Variants in ANKRD30BL observed in about 807,000 individuals in gnomAD.
ANKRD30BL encodes putative ankyrin repeat domain-containing protein 30B-like.
Under a neutral mutation model 18.4 loss-of-function variants are expected in ANKRD30BL, and 20 were observed. That is an observed-to-expected ratio of 1.09 (90% CI 0.77 to 1.58). The LOEUF (loss-of-function observed/expected upper bound fraction) is 1.58. Among genes scored for constraint, ANKRD30BL ranks in the 40% most tolerant of loss-of-function variants. The probability of loss-of-function intolerance (pLI) is 0.00; values close to 1 mark genes in which losing one functional copy is unlikely to be tolerated. For missense variants in ANKRD30BL, 224 were observed against 268.6 expected (o/e 0.83, Z 1.16); for synonymous variants, 72 against 100.9 (o/e 0.71, Z 1.72).
At chr2:132,220,443 C>T (rs1398137726) in intron 1 of ANKRD30BL, among the ~76,000 whole-genome samples, 8 of 151,828 alleles carry the variant, frequency 5.3e-5, no homozygotes, top group Admixed American at 1.3e-4. Context: ...GCTGCGATCT[C>T]GGCTCACTGC....
chr2:132,176,866 C>T (rs1042922373), intron 1 of ANKRD30BL, among the ~76,000 whole-genome samples: 1 of 152,168 alleles, frequency 6.6e-6, no homozygotes, highest in African/African-American at 2.4e-5. Context: ...GGTATCCTTT[C>T]ACTCTTCCTT....
intron 1 of ANKRD30BL, among the ~76,000 whole-genome samples, chr2:132,160,572 G>C (rs931916088): frequency 6.6e-6 from 1 of 151,492 alleles, no homozygotes; most frequent in Non-Finnish European, 1.5e-5. Flanking sequence ...CCAAGTATCT[G>C]GGACTACAGG....
intron 1 of ANKRD30BL, among the ~76,000 whole-genome samples, chr2:132,229,712 G>A (rs371906574): frequency 1.0e-4 from 15 of 149,262 alleles, no homozygotes; most frequent in East Asian, 2.0e-4. Context: ...TTGATAGAGC[G>A]GGTTTGAAAA....
upstream of ANKRD30BL, among the ~76,000 whole-genome samples, chr2:132,164,938 G>T (rs2104936772): frequency 6.6e-6 from 1 of 152,256 alleles, no homozygotes; most frequent in South Asian, 2.1e-4. Flanking sequence ...GCCAGGCGTG[G>T]TGGCAGGCAC....
At chr2:132,166,020 A>G (rs1489872517), upstream of ANKRD30BL, among the ~76,000 whole-genome samples, 5 of 152,148 alleles carry the variant, frequency 3.3e-5, no homozygotes, top group African/African-American at 1.2e-4. Flanking sequence ...GAGTTTCTCA[A>G]ATTATAGATG....
rs572341019 is a variant in ANKRD30BL at position 132,174,653 on chromosome 2, G to A, written n.442-17507C>T. 3.3e-5 allele frequency among the ~76,000 whole-genome samples: 5 copies of A among 152,362 alleles called. No homozygotes were observed. The East Asian group carries it at 9.6e-4, about 29-fold the overall frequency. On this transcript the variant is annotated intron_variant and non_coding_transcript_variant, in intron 1 of 4. Coordinates refer to the ANKRD30BL transcript ENST00000470729. ...CAAGAGGCGGCTAAATATCAAAGTTGTGGGTGGTGAGTTATACTCAGCTAC... is the reference window on the plus strand; with the variant it reads ...CAAGAGGCGGCTAAATATCAAAGTTATGGGTGGTGAGTTATACTCAGCTAC...
chr2:132,230,294 C>T (rs376014376), intron 1 of ANKRD30BL, among the ~76,000 whole-genome samples: 9 of 151,734 alleles, frequency 5.9e-5, no homozygotes, highest in Non-Finnish European at 7.4e-5. Flanking sequence ...TCATTGGAAA[C>T]GGGAATATCT....
intron 1 of ANKRD30BL, among the ~76,000 whole-genome samples, chr2:132,175,398 T>C (rs552607932): frequency 9.8e-5 from 15 of 152,306 alleles, no homozygotes; most frequent in East Asian, 5.8e-4. Context: ...TAAAGAACAA[T>C]AAAGCAGCAT....
At chr2:132,241,905 T>C (rs1177160147) in intron 1 of ANKRD30BL, among the ~76,000 whole-genome samples, 8 of 151,384 alleles carry the variant, frequency 5.3e-5, no homozygotes, top group Non-Finnish European at 8.8e-5. Flanking sequence ...TTGTGATGAT[T>C]GCATTCAACT....
chr2:132,229,864 A>ATAT (rs1679957821), intron 1 of ANKRD30BL, among the ~76,000 whole-genome samples: 1 of 152,172 alleles, frequency 6.6e-6, no homozygotes, highest in African/African-American at 2.4e-5. Flanking sequence ...ACAGAGTTGA[A>ATAT]ACTTCCTTTC....
chr2:132,235,644 A>T (rs201238289), intron 1 of ANKRD30BL, among the ~76,000 whole-genome samples: 1 of 152,036 alleles, frequency 6.6e-6, no homozygotes, highest in East Asian at 1.9e-4. Context: ...ATGTGAAGGA[A>T]CTCTTCAAGG....
At chr2:132,179,700 A>G (rs1688428884) in intron 1 of ANKRD30BL, among the ~76,000 whole-genome samples, 1 of 152,156 alleles carries the variant, frequency 6.6e-6, no homozygotes, top group Non-Finnish European at 1.5e-5. Flanking sequence ...AGGGATTGTT[A>G]TCATAGGAGA....
At chr2:132,248,595 C>G (rs140467575) in intron 1 of ANKRD30BL, among the ~76,000 whole-genome samples, 1 of 151,860 alleles carries the variant, frequency 6.6e-6, no homozygotes, top group African/African-American at 2.4e-5. Flanking sequence ...AATCTTCTGT[C>G]TAGTTTTTAT....
chr2:132,230,079 T>C (rs1310118341), intron 1 of ANKRD30BL, among the ~76,000 whole-genome samples: 1 of 151,862 alleles, frequency 6.6e-6, no homozygotes, highest in Non-Finnish European at 1.5e-5. Context: ...TTTTGTAGAA[T>C]CTGCACGTGG....
chr2:132,175,932 G>A (rs1359657670), intron 1 of ANKRD30BL, among the ~76,000 whole-genome samples: 1 of 152,140 alleles, frequency 6.6e-6, no homozygotes, highest in Non-Finnish European at 1.5e-5. Flanking sequence ...CAGATTAACA[G>A]CATCTCAGGG....
chr2:132,215,438 A>AT lies in ANKRD30BL; in HGVS notation n.441+42090dup, dbSNP rs1294330745. On this transcript the variant is annotated intron_variant and non_coding_transcript_variant, in intron 1 of 4. Coordinates refer to the ANKRD30BL transcript ENST00000470729. The stretch of plus-strand genomic sequence containing the variant: ...CTCACAGAGTTGAACCTTACTTTTG[A>AT]TTAAGCAGTTCTGAAAAACCCTTTT... 4.6e-5 allele frequency among the ~76,000 whole-genome samples: 7 copies of AT among 152,360 alleles called. No homozygotes were observed. In the East Asian group the frequency reaches 1.3e-3, roughly 29 times the overall value.
intron 1 of ANKRD30BL, among the ~76,000 whole-genome samples, chr2:132,217,089 A>G (rs567950495): frequency 2.7e-5 from 4 of 150,918 alleles, no homozygotes; most frequent in East Asian, 2.0e-4. Context: ...AAAAGGAAAT[A>G]TCTTCACATA....
At chr2:132,227,138 A>C (rs1490255827) in intron 1 of ANKRD30BL, among the ~76,000 whole-genome samples, 1 of 151,710 alleles carries the variant, frequency 6.6e-6, no homozygotes, top group African/African-American at 2.4e-5. Flanking sequence ...GTTTTGAAAC[A>C]CTCTTTTTGT....
intron 1 of ANKRD30BL, among the ~76,000 whole-genome samples, chr2:132,190,055 G>A (rs1339046020): frequency 5.3e-5 from 8 of 151,768 alleles, no homozygotes; most frequent in Non-Finnish European, 1.2e-4. Context: ...TGTAAAATGG[G>A]GATAATATTC....
Sources: gnomAD v4.1 joint callset for allele counts (sites outside exome capture counted in the v4.1 genomes callset) on GRCh38, gnomAD v4.1.1 for gene constraint, MANE v1.5 for transcripts, NCBI Gene and HGNC (gene_info 2026-07-23, HGNC 2026-07-21) for gene names.